ZSWIM5: variants seen among roughly 807,000 people sequenced by gnomAD.
The protein encoded by ZSWIM5 is zinc finger SWIM domain-containing protein 5.
ZSWIM5 carries 55 observed loss-of-function variants against 119.6 expected under a neutral mutation model. The ratio of observed to expected loss-of-function variants is 0.46; its 90% CI spans 0.37 to 0.58. The LOEUF (loss-of-function observed/expected upper bound fraction) is 0.58, where lower values mean the gene tolerates loss of function less well. Ranked by LOEUF, ZSWIM5 falls within the 20% of genes least tolerant of loss-of-function variation. ZSWIM5 has a pLI of 0.00. For missense variants in ZSWIM5, 1,193 were observed against 1,512.8 expected, an observed-to-expected ratio of 0.79 and a Z score of 3.51; for synonymous variants, 537 against 606.9, an observed-to-expected ratio of 0.88 and a Z score of 1.69.
intron 2 of ZSWIM5, among the ~76,000 whole-genome samples, chr1:45,062,679 A>AT (rs1024222126): frequency 5.3e-5 from 8 of 151,448 alleles, no homozygotes; most frequent in East Asian, 3.9e-4. Context: ...TTATTTTTAA[A>AT]TTTTTTTTGT....
At chr1:45,050,912 C>A (rs1409925114) in intron 5 of ZSWIM5, among the ~76,000 whole-genome samples, 162 bp downstream of exon 5, 1 of 152,198 alleles carries the variant, frequency 6.6e-6, no homozygotes, top group East Asian at 1.9e-4. Context: ...CTTATCCTTA[C>A]TTAAGGTTCG....
chr1:45,024,295 G>A (rs758135239), intron 11 of ZSWIM5, among the ~76,000 whole-genome samples: 2 of 149,490 alleles, frequency 1.3e-5, no homozygotes, highest in Non-Finnish European at 3.0e-5. Flanking sequence ...GGGTTCAAGC[G>A]ATTCTTTTGC....
chr1:45,205,712 GAA>G, intron 1 of ZSWIM5, 42 bp downstream of exon 1: 1 of 1,482,306 alleles, frequency 6.7e-7, no homozygotes, highest in Non-Finnish European at 9.0e-7. Context: ...GGCACCCGCG[GAA>G]GAGGAGGCTG....
At chr1:45,081,017 T>A (rs541587238) in intron 2 of ZSWIM5, among the ~76,000 whole-genome samples, 179 of 152,224 alleles carry the variant, frequency 1.2e-3, no homozygotes, top group Non-Finnish European at 2.3e-3. Context: ...CAGCTAGCAG[T>A]TTTAGGAATT....
chr1:45,143,546 C>T (rs1318483113), intron 1 of ZSWIM5, among the ~76,000 whole-genome samples: 1 of 152,074 alleles, frequency 6.6e-6, no homozygotes, highest in Non-Finnish European at 1.5e-5. Flanking sequence ...TACAAAAATC[C>T]TCCATCTAAC....
chr1:45,107,574 G>A (rs983751244), intron 1 of ZSWIM5, among the ~76,000 whole-genome samples: 21 of 147,898 alleles, frequency 1.4e-4, no homozygotes, highest in African/African-American at 2.0e-4. Flanking sequence ...CCCGGGAGGC[G>A]GAGCTTGCAG....
intron 1 of ZSWIM5, among the ~76,000 whole-genome samples, chr1:45,092,045 G>A (rs1195727724): frequency 6.6e-6 from 1 of 152,074 alleles, no homozygotes; most frequent in African/African-American, 2.4e-5. Context: ...GTTTAATCCT[G>A]TGCAGATACA....
chr1:45,179,166 A>G (rs1484132519), intron 1 of ZSWIM5, among the ~76,000 whole-genome samples: 1 of 152,150 alleles, frequency 6.6e-6, no homozygotes, highest in African/African-American at 2.4e-5. Flanking sequence ...TCATTACAGC[A>G]CTATTCAAAT....
At chr1:45,180,361 C>G (rs750148055) in intron 1 of ZSWIM5, among the ~76,000 whole-genome samples, 10 of 152,214 alleles carry the variant, frequency 6.6e-5, no homozygotes, top group African/African-American at 2.4e-4. Context: ...AACTGCAAGG[C>G]AGCAGCGAGG....
In ZSWIM5 at chr1:45,043,382, T is replaced by G; in HGVS notation, c.1446A>C (p.Arg482Ser). ...CTCTAGTGAATACTGTTCGTCTTGGTCTGGATAAGGAGTCTGGAGAAAGAA... is the reference window on the plus strand; with the variant it reads ...CTCTAGTGAATACTGTTCGTCTTGGGCTGGATAAGGAGTCTGGAGAAAGAA... Reference protein sequence around the residue: ...SAIHSPDSLSRPRRTVFTRAI... With the variant: ...SAIHSPDSLSSPRRTVFTRAI... Residue 482 changes from arginine (R) to serine (S), a missense_variant, in exon 6 of 14, where the codon AGA becomes AGC. This residue lies in a region of ZSWIM5 where 961 missense variants were observed against 1,290.0 expected (regional missense o/e 0.74). Coordinates refer to ENST00000359600, the MANE Select transcript of ZSWIM5 (RefSeq NM_020883.2). 1 of 1,614,200 alleles carries G rather than the reference T, an allele frequency of 6.2e-7. No homozygotes were observed. Among genetic ancestry groups the G allele is most frequent in the Non-Finnish European group, 8.5e-7 (1 of 1,180,046 alleles).
chr1:45,156,617 T>C (rs985236760), intron 1 of ZSWIM5, among the ~76,000 whole-genome samples: 2 of 151,252 alleles, frequency 1.3e-5, no homozygotes, highest in African/African-American at 2.4e-5. Flanking sequence ...CTGAGTTTGA[T>C]GGGCTAAAAA....
At chr1:45,205,680 C>T in intron 1 of ZSWIM5, 76 bp downstream of exon 1, 1 of 1,377,574 alleles carries the variant, frequency 7.3e-7, no homozygotes, top group Admixed American at 2.4e-5. Context: ...GGGTCTCGGC[C>T]CCAGGGCTCG....
At position 45,035,775 on chromosome 1, in the gene ZSWIM5, G is replaced by T; in HGVS notation, c.2204C>A (p.Pro735His). The T allele has an allele frequency of 6.2e-7, 1 of 1,613,836 alleles. No individual in the cohort carries two copies. The highest frequency in any genetic ancestry group is 1.1e-5 in the South Asian group (1 of 91,056). ...CAAATACTTGGCAAAGGTATGCATGGGAACACTCTCTCGGTGGATGACTTC... is the reference window on the plus strand; with the variant it reads ...CAAATACTTGGCAAAGGTATGCATGTGAACACTCTCTCGGTGGATGACTTC... The part of the protein sequence containing the change: ...LGEVIHRESV[P>H]MHTFAKYLFS... The change falls in exon 10 of 14, where the codon CCC becomes CAC. Residue 735 changes from proline (P) to histidine (H), a missense_variant. Physicochemically the swap from Pro to His is moderately conservative, Grantham distance 77. Transcript: ENST00000359600.
At chr1:45,199,938 C>T (rs929493465) in intron 1 of ZSWIM5, among the ~76,000 whole-genome samples, 5 of 152,166 alleles carry the variant, frequency 3.3e-5, no homozygotes, top group African/African-American at 1.2e-4. Context: ...AATTCAATGA[C>T]TGAACCAAGA....
At chr1:45,039,472 GC>G (rs1434694759) in intron 7 of ZSWIM5, among the ~76,000 whole-genome samples, 1 of 152,136 alleles carries the variant, frequency 6.6e-6, no homozygotes, top group African/African-American at 2.4e-5. Context: ...TGCAACCTCC[GC>G]CTCCTGGGTT....
In ZSWIM5 at chr1:45,043,532, T is replaced by G. The variant is rs940130865; in HGVS notation, c.1433-137A>C. The G allele has an allele frequency of 1.0e-4, 86 of 836,182 alleles. 1 individual carries two copies. The highest frequency in any genetic ancestry group is 6.4e-4 in the East Asian group (25 of 39,100). 51.8% of individuals were successfully genotyped at this position (836,182 alleles called of 1,614,324 possible). A position where few individuals can be genotyped will look rare whatever the true frequency, so the allele number is the denominator to read the frequency against. ...CTCTGGCAGCAGTATTGAGAACAGG[T>G]TATAAGGAAGGGCAATGAGAGCAGC... On this transcript the variant is annotated intron_variant, in intron 5 of 13. Coordinates refer to ENST00000359600, the MANE Select transcript of ZSWIM5 (RefSeq NM_020883.2).
At chr1:45,086,250 C>T (rs1355741715) in intron 2 of ZSWIM5, among the ~76,000 whole-genome samples, 2 of 152,092 alleles carry the variant, frequency 1.3e-5, no homozygotes, top group African/African-American at 4.8e-5. Context: ...GGAAATCTGC[C>T]CCCATGATCC....
At chr1:45,196,384 CTTTTT>C (rs767673983) in intron 1 of ZSWIM5, among the ~76,000 whole-genome samples, 1 of 76,356 alleles carries the variant, frequency 1.3e-5, no homozygotes, top group East Asian at 4.5e-4. Flanking sequence ...CCCACAATTC[CTTTTT>C]TTTTTTTTTT....
At chr1:45,169,343 G>GT (rs1468858290) in intron 1 of ZSWIM5, among the ~76,000 whole-genome samples, 1 of 151,966 alleles carries the variant, frequency 6.6e-6, no homozygotes, top group African/African-American at 2.4e-5. Flanking sequence ...TTGGCATATA[G>GT]TAAGTTCTCA....
Sources: allele counts gnomAD v4.1 joint callset (sites outside exome capture counted in the v4.1 genomes callset), GRCh38; gene constraint gnomAD v4.1.1; regional missense constraint gnomAD v4.1.1; transcripts MANE v1.5; gene names NCBI Gene and HGNC (gene_info 2026-07-23, HGNC 2026-07-21).